Variants in CAMTA1 observed in about 807,000 individuals in gnomAD.
CAMTA1 encodes the protein calmodulin-binding transcription activator 1.
In CAMTA1, 27 loss-of-function variants were observed where a neutral mutation model predicts 170.9. The observed-to-expected ratio is 0.16, with a 90% CI of 0.12 to 0.22. The LOEUF is 0.22. Among genes scored for constraint, CAMTA1 ranks in the 10% least tolerant of loss-of-function variants. The pLI is 1.00. For missense variants in CAMTA1, 1,619 were observed against 2,217.2 expected, an observed-to-expected ratio of 0.73 and a Z score of 5.42; for synonymous variants, 833 against 891.5, an observed-to-expected ratio of 0.93 and a Z score of 1.17.
In CAMTA1 at chr1:7,329,769, A is replaced by T. The variant is rs145609375; in HGVS notation, c.438+80143A>T. ...AAATTCATTGCTACTGAGGTTCTAT[A>T]ATGCTAAGGCTTGCAAAACTATCAC... On this transcript the variant is annotated intron_variant, in intron 5 of 22. Transcript: ENST00000303635. Among the ~76,000 whole-genome samples, 551 of 152,352 alleles carry T rather than the reference A, an allele frequency of 3.6e-3. 8 individuals carry two copies. The highest frequency in any genetic ancestry group is 0.023 in the Admixed American group (357 of 15,304).
chr1:6,963,565 C>T (rs1572071207), intron 3 of CAMTA1, among the ~76,000 whole-genome samples: 1 of 152,254 alleles, frequency 6.6e-6, no homozygotes, highest in South Asian at 2.1e-4. Context: ...AGAATGTTTC[C>T]GCTGACGGAG....
chr1:7,726,217 A>AT (rs138800110), intron 11 of CAMTA1, among the ~76,000 whole-genome samples: 47,784 of 151,426 alleles, frequency 0.32, 7,655 homozygotes, highest in South Asian at 0.45. Flanking sequence ...CTGTCAAAGG[A>AT]TTTTTTTTTG....
intron 3 of CAMTA1, among the ~76,000 whole-genome samples, chr1:6,948,113 T>C (rs1200810183): frequency 6.6e-6 from 1 of 152,176 alleles, no homozygotes; most frequent in Non-Finnish European, 1.5e-5. Context: ...GTAATTATCA[T>C]GTTTATTCCC....
intron 3 of CAMTA1, among the ~76,000 whole-genome samples, chr1:7,034,346 G>A (rs1422018694): frequency 6.6e-6 from 1 of 152,204 alleles, no homozygotes; most frequent in African/African-American, 2.4e-5. Flanking sequence ...TAGCAGAGGG[G>A]GCTTTCACCA....
intron 3 of CAMTA1, among the ~76,000 whole-genome samples, chr1:6,957,267 G>T (rs1689620318): frequency 6.6e-6 from 1 of 152,170 alleles, no homozygotes; most frequent in African/African-American, 2.4e-5. Context: ...GACACTGGGG[G>T]CCCTGCTGTC....
chr1:7,073,985 A>AATGAGAGTT (rs1638977670), intron 3 of CAMTA1, among the ~76,000 whole-genome samples: 1 of 152,162 alleles, frequency 6.6e-6, no homozygotes, highest in African/African-American at 2.4e-5. Flanking sequence ...TGTTATTGGA[A>AATGAGAGTT]ACTCAGTGCT....
intron 3 of CAMTA1, among the ~76,000 whole-genome samples, chr1:6,836,986 G>A: frequency 6.7e-6 from 1 of 148,738 alleles, no homozygotes; most frequent in Admixed American, 6.9e-5. Flanking sequence ...TGCATAGGCT[G>A]GAGTGCAGTG....
At chr1:7,015,969 C>A (rs990202452) in intron 3 of CAMTA1, among the ~76,000 whole-genome samples, 1 of 152,230 alleles carries the variant, frequency 6.6e-6, no homozygotes, top group African/African-American at 2.4e-5. Context: ...AACTCACTAT[C>A]ATGAGAACAG....
At chr1:7,141,889 A>G (rs1356924357) in intron 4 of CAMTA1, among the ~76,000 whole-genome samples, 1 of 152,158 alleles carries the variant, frequency 6.6e-6, no homozygotes, top group African/African-American at 2.4e-5. Flanking sequence ...ATCTCATTTC[A>G]TGCTCCTACT....
At chr1:7,557,092 G>C (rs2094889179) in intron 6 of CAMTA1, among the ~76,000 whole-genome samples, 2 of 152,100 alleles carry the variant, frequency 1.3e-5, no homozygotes, top group South Asian at 4.1e-4. Flanking sequence ...AGGATTGCCA[G>C]ACCTCAGGAG....
rs139945129 is a variant in CAMTA1, at chr1:7,301,965, G to C, written c.438+52339G>C. On this transcript the variant is annotated intron_variant, in intron 5 of 22. Coordinates refer to ENST00000303635, the MANE Select transcript of CAMTA1 (RefSeq NM_015215.4). The stretch of plus-strand genomic sequence containing the variant: ...ATTGATGAGTTGTGAGACCAGAGCT[G>C]TGGCTTCGGGGGTAAACTTCCAGGA... 2.9e-3 allele frequency among the ~76,000 whole-genome samples: 444 copies of C among 152,300 alleles called. 1 individual carries two copies. The highest frequency in any genetic ancestry group is 0.01 in the African/African-American group (418 of 41,562).
intron 3 of CAMTA1, among the ~76,000 whole-genome samples, chr1:6,848,805 A>T (rs1218607717): frequency 6.6e-6 from 1 of 152,242 alleles, no homozygotes; most frequent in Non-Finnish European, 1.5e-5. Context: ...AATAAATGTG[A>T]CTGAAAAGAG....
At chr1:6,866,021 A>T (rs911743637) in intron 3 of CAMTA1, among the ~76,000 whole-genome samples, 1 of 152,192 alleles carries the variant, frequency 6.6e-6, no homozygotes, top group Non-Finnish European at 1.5e-5. Context: ...TATCAACTTG[A>T]ATTTGTTTCT....
At chr1:7,518,003 A>G (rs1288109132) in intron 6 of CAMTA1, among the ~76,000 whole-genome samples, 1 of 151,902 alleles carries the variant, frequency 6.6e-6, no homozygotes, top group Non-Finnish European at 1.5e-5. Flanking sequence ...TTTCCAGCCT[A>G]GATAAGAGGG....
At chr1:7,508,602 G>A (rs1222272848) in intron 6 of CAMTA1, among the ~76,000 whole-genome samples, 1 of 152,178 alleles carries the variant, frequency 6.6e-6, no homozygotes, top group African/African-American at 2.4e-5. Flanking sequence ...CTGGCTCAGG[G>A]CAAAGGCTCA....
chr1:7,640,379 C>T, intron 6 of CAMTA1, 21 bp from the exon 7 acceptor site: 2 of 1,612,578 alleles, frequency 1.2e-6, no homozygotes, highest in Non-Finnish European at 1.7e-6. Context: ...CTCATGCTGC[C>T]AGTCTCTGCT....
At chr1:6,944,735 T>C (rs538085779) in intron 3 of CAMTA1, among the ~76,000 whole-genome samples, 1 of 152,360 alleles carries the variant, frequency 6.6e-6, no homozygotes, top group Admixed American at 6.5e-5. Context: ...TCTGACATAC[T>C]ACAGACAGTC....
chr1:7,222,759 T>C (rs895374501), intron 4 of CAMTA1, among the ~76,000 whole-genome samples: 2 of 152,244 alleles, frequency 1.3e-5, no homozygotes, highest in African/African-American at 2.4e-5. Context: ...AGGATGCCCA[T>C]TGGTCTTCAT....
intron 7 of CAMTA1, among the ~76,000 whole-genome samples, chr1:7,656,186 C>T (rs56954380): frequency 0.029 from 4,479 of 152,266 alleles, 207 homozygotes; most frequent in African/African-American, 0.1. Context: ...ACAAAAAAGA[C>T]GAAGACTAAA....
Sources: gnomAD v4.1 joint callset for allele counts (sites outside exome capture counted in the v4.1 genomes callset) on GRCh38, gnomAD v4.1.1 for gene constraint, MANE v1.5 for transcripts, NCBI Gene and HGNC (gene_info 2026-07-23, HGNC 2026-07-21) for gene names.